MAP4K3: variants seen among roughly 807,000 people sequenced by gnomAD.
MAP4K3 encodes MAPK/ERK kinase kinase kinase 3.
In MAP4K3, 94 loss-of-function variants were observed where a neutral mutation model predicts 143.5. The observed-to-expected ratio is 0.65, with a 90% CI of 0.55 to 0.78. The LOEUF (loss-of-function observed/expected upper bound fraction) is 0.78, where lower values mean the gene tolerates loss of function less well. Among genes scored for constraint, MAP4K3 ranks in the 30% least tolerant of loss-of-function variants. The probability of loss-of-function intolerance (pLI) is 0.00; values close to 1 mark genes in which losing one functional copy is unlikely to be tolerated. For synonymous variants in MAP4K3, 416 were observed against 347.2 expected (o/e 1.20, Z -2.20); for missense variants, 1,077 against 1,068.1 (o/e 1.01, Z -0.12).
At chr2:39,400,354 T>G (rs916274919) in intron 1 of MAP4K3, among the ~76,000 whole-genome samples, 4 of 152,248 alleles carry the variant, frequency 2.6e-5, no homozygotes, top group African/African-American at 4.8e-5. Flanking sequence ...AAGTTGCTCA[T>G]AATATTTTAA....
rs775561881 is a variant in MAP4K3 at position 39,325,528 on chromosome 2, T to C, written c.908A>G (p.Asp303Gly). The change falls in exon 12 of 34, where the codon GAT becomes GGT. Residue 303 changes from aspartate (D) to glycine (G), a missense_variant. By Grantham distance (94) the Asp-to-Gly change is moderately conservative. This residue lies in a region of MAP4K3 where 864 missense variants were observed against 801.2 expected (regional missense o/e 1.08). Transcript: ENST00000263881. ...DHSTYHDFDD[D>G]DPEPLVAVPH... Reference sequence around the variant, plus strand: ...AAAAGCAATTCCTACCTCAGGATCATCATCATCGAAATCATGGTAAGTGGA... The same window carrying C: ...AAAAGCAATTCCTACCTCAGGATCACCATCATCGAAATCATGGTAAGTGGA... The C allele has an allele frequency of 1.2e-6, 2 of 1,610,500 alleles. No homozygotes were observed. The highest frequency in any genetic ancestry group is 1.7e-6 in the Non-Finnish European group (2 of 1,177,868).
intron 24 of MAP4K3, among the ~76,000 whole-genome samples, chr2:39,276,456 C>A (rs1381967308): frequency 1.3e-5 from 2 of 152,306 alleles, no homozygotes; most frequent in East Asian, 3.9e-4. Context: ...AGGAACTATA[C>A]AATCGGTAGA....
At chr2:39,405,679 G>A (rs1482521184) in intron 1 of MAP4K3, among the ~76,000 whole-genome samples, 1 of 152,112 alleles carries the variant, frequency 6.6e-6, no homozygotes, top group African/African-American at 2.4e-5. Flanking sequence ...ACCAGCTTGG[G>A]CAACGTGTTG....
chr2:39,381,035 A>G (rs1285977021), intron 1 of MAP4K3, among the ~76,000 whole-genome samples: 2 of 152,168 alleles, frequency 1.3e-5, no homozygotes, highest in Non-Finnish European at 2.9e-5. Context: ...GGATTTGACT[A>G]TTATAAATAT....
chr2:39,431,637 T>A (rs1429933674), intron 1 of MAP4K3, among the ~76,000 whole-genome samples: 1 of 152,032 alleles, frequency 6.6e-6, no homozygotes, highest in South Asian at 2.1e-4. Context: ...GAGGGGTGGA[T>A]TTTAGGCAGA....
chr2:39,307,588 C>T (rs1424004329), intron 15 of MAP4K3, among the ~76,000 whole-genome samples: 1 of 150,540 alleles, frequency 6.6e-6, no homozygotes, highest in Non-Finnish European at 1.5e-5. Flanking sequence ...TATATATATA[C>T]ATGTGGATGG....
intron 8 of MAP4K3, 131 bp from the exon 9 acceptor site, chr2:39,326,408 A>C: frequency 2.4e-6 from 2 of 848,038 alleles, no homozygotes; most frequent in Non-Finnish European, 3.7e-6. Context: ...AAAAATAAAT[A>C]TGCAGTACTT....
At chr2:39,364,508 C>A (rs985902477) in intron 2 of MAP4K3, among the ~76,000 whole-genome samples, 1 of 152,142 alleles carries the variant, frequency 6.6e-6, no homozygotes, top group African/African-American at 2.4e-5. Context: ...TCCAAGAGAT[C>A]CTGAGAACAT....
At chr2:39,434,254 T>G (rs1234047876) in intron 1 of MAP4K3, among the ~76,000 whole-genome samples, 1 of 152,206 alleles carries the variant, frequency 6.6e-6, no homozygotes, top group Non-Finnish European at 1.5e-5. Flanking sequence ...CACAATTAAT[T>G]TGTATAAATA....
chr2:39,353,730 T>C (rs1015707903), intron 3 of MAP4K3, among the ~76,000 whole-genome samples: 1 of 151,682 alleles, frequency 6.6e-6, no homozygotes, highest in African/African-American at 2.4e-5. Flanking sequence ...TAAGAAGTAG[T>C]AGTAGTAGCA....
intron 32 of MAP4K3, among the ~76,000 whole-genome samples, chr2:39,252,643 A>T (rs1680196198): frequency 1.3e-5 from 2 of 152,246 alleles, no homozygotes; most frequent in Admixed American, 6.5e-5. Context: ...ACTGAACACA[A>T]AATATTATGA....
At chr2:39,430,503 T>C (rs1665251368) in intron 1 of MAP4K3, among the ~76,000 whole-genome samples, 1 of 151,970 alleles carries the variant, frequency 6.6e-6, no homozygotes, top group Non-Finnish European at 1.5e-5. Flanking sequence ...TTTTTGTACA[T>C]ATAAAGGTGG....
At chr2:39,270,855 G>A (rs1028617122) in intron 26 of MAP4K3, among the ~76,000 whole-genome samples, 5 of 151,880 alleles carry the variant, frequency 3.3e-5, no homozygotes, top group Admixed American at 2.0e-4. Flanking sequence ...ATGCTAAAAG[G>A]GTTTTTAGGT....
rs143765816 is a variant in MAP4K3, at chr2:39,320,951, A to G, written c.918+4567T>C. ...AACAAGACTCAAACTAACTACTCAC[A>G]GTGTAGGTACATCTCAGGGAAAAAA... On this transcript the variant is annotated intron_variant, in intron 12 of 33. Transcript: ENST00000263881. Among the ~76,000 whole-genome samples the G allele has an allele frequency of 2.9e-3, 441 of 152,322 alleles. 3 individuals are homozygous for G. Among genetic ancestry groups the G allele is most frequent in the Admixed American group, 4.6e-3 (71 of 15,302 alleles).
At chr2:39,433,487 T>C (rs1665356821) in intron 1 of MAP4K3, among the ~76,000 whole-genome samples, 1 of 152,196 alleles carries the variant, frequency 6.6e-6, no homozygotes, top group African/African-American at 2.4e-5. Flanking sequence ...GCACAATGCA[T>C]GTGAAAATCA....
chr2:39,278,492 A>G lies in MAP4K3; in HGVS notation c.1715-6T>C, dbSNP rs975812868. On this transcript the variant is annotated splice_region_variant and splice_polypyrimidine_tract_variant and intron_variant, in intron 23 of 33. Coordinates refer to ENST00000263881, the MANE Select transcript of MAP4K3 (RefSeq NM_003618.4). ...ACCAAATATCAAGTACTGATCTGAAATAAAAGTAATTCACTGACTGATTTT... is the reference window on the plus strand; with the variant it reads ...ACCAAATATCAAGTACTGATCTGAAGTAAAAGTAATTCACTGACTGATTTT... 6 of 1,508,962 alleles carry G rather than the reference A, an allele frequency of 4.0e-6. No individual in the cohort carries two copies. The highest frequency in any genetic ancestry group is 4.5e-6 in the Non-Finnish European group (5 of 1,104,526). 93.5% of individuals were successfully genotyped at this position (1,508,962 alleles called of 1,614,324 possible).
chr2:39,411,618 G>C (rs1183533842), intron 1 of MAP4K3, among the ~76,000 whole-genome samples: 1 of 152,216 alleles, frequency 6.6e-6, no homozygotes, highest in African/African-American at 2.4e-5. Context: ...AAAGTGGATG[G>C]AACCAGTAAG....
chr2:39,326,637 T>C (rs1683497808), intron 8 of MAP4K3, among the ~76,000 whole-genome samples: 1 of 151,996 alleles, frequency 6.6e-6, no homozygotes, highest in South Asian at 2.1e-4. Flanking sequence ...ACCTGCAATT[T>C]GGGGGGTGGG....
At chr2:39,312,549 T>C (rs1010443101) in intron 13 of MAP4K3, among the ~76,000 whole-genome samples, 2 of 152,194 alleles carry the variant, frequency 1.3e-5, no homozygotes, top group Non-Finnish European at 2.9e-5. Flanking sequence ...ATTTGAATAT[T>C]TAGCAATAGG....
Sources: gnomAD v4.1 joint callset for allele counts (sites outside exome capture counted in the v4.1 genomes callset) on GRCh38, gnomAD v4.1.1 for gene constraint, gnomAD v4.1.1 regional missense constraint, MANE v1.5 for transcripts, NCBI Gene and HGNC (gene_info 2026-07-23, HGNC 2026-07-21) for gene names.